STK32B: variants seen among roughly 807,000 people sequenced by gnomAD.
STK32B encodes the protein serine/threonine-protein kinase 32B.
Under a neutral mutation model 52.6 loss-of-function variants are expected in STK32B, and 43 were observed. The observed-to-expected ratio is 0.82, with a 90% CI of 0.64 to 1.05. The LOEUF (loss-of-function observed/expected upper bound fraction) is 1.05. Among genes scored for constraint, STK32B ranks in the 50% least tolerant of loss-of-function variants. The probability of loss-of-function intolerance (pLI) is 0.00; values close to 1 mark genes in which losing one functional copy is unlikely to be tolerated. For synonymous variants in STK32B, 238 were observed against 204.3 expected (o/e 1.17, Z -1.41); for missense variants, 621 against 534.6 (o/e 1.16, Z -1.59).
In STK32B at chr4:5,467,739, G is replaced by C. The variant is rs16837323; in HGVS notation, c.1042-267G>C. 0.019 allele frequency among the ~76,000 whole-genome samples: 2,907 copies of C among 152,242 alleles called. 79 individuals carry two copies. Among genetic ancestry groups the C allele is most frequent in the African/African-American group, 0.066 (2,720 of 41,520 alleles). ...TAAGTGGTCAGGAAAATAAGCTCATGAATTTCAGCCCATATTCCATTCTAA... is the reference window on the plus strand; with the variant it reads ...TAAGTGGTCAGGAAAATAAGCTCATCAATTTCAGCCCATATTCCATTCTAA... On this transcript the variant is annotated intron_variant, in intron 10 of 11. Transcript: ENST00000282908. The surrounding 1 kb of genome is among the most constrained non-coding windows in gnomAD (Gnocchi z 5.8).
At position 5,386,099 on chromosome 4, in the gene STK32B, A is replaced by C. The variant is rs1364446924; in HGVS notation, c.435-12108A>C. 9.6e-6 allele frequency among the ~76,000 whole-genome samples: 1 copy of C among 103,902 alleles called. No individual in the cohort carries two copies. The highest frequency in any genetic ancestry group is 3.8e-5 in the African/African-American group (1 of 26,292). The allele number at this position is 103,902 out of a possible 152,430, so 68.2% of individuals were successfully genotyped here. On this transcript the variant is annotated intron_variant, in intron 4 of 11. Coordinates refer to ENST00000282908, the MANE Select transcript of STK32B (RefSeq NM_018401.3). This position sits in a 1 kb window ranked among gnomAD's most constrained non-coding sequence, Gnocchi z 4.5. ...ACCCAGATTTCCCATGCAGAGCTCC[A>C]CCCACAGGCCCCACCCACAGCTCTT...
At position 5,159,696 on chromosome 4, in the gene STK32B, A is replaced by AAT. The variant is rs370277730; in HGVS notation, c.109-8596_109-8595dup. Among the ~76,000 whole-genome samples, 23 of 101,346 alleles carry AAT rather than the reference A, an allele frequency of 2.3e-4. 2 individuals carry two copies. The highest frequency in any genetic ancestry group is 5.5e-4 in the South Asian group (2 of 3,634). The allele number at this position is 101,346 out of a possible 152,430, so 66.5% of individuals were successfully genotyped here. A position where few individuals can be genotyped will look rare whatever the true frequency, so the allele number is the denominator to read the frequency against. On this transcript the variant is annotated intron_variant, in intron 2 of 11. Transcript: ENST00000282908. ...ATGAATATATATATGAATATATATG[A>AAT]ATATATATGAATATATATATGAATG... is the stretch of plus-strand genomic sequence containing the variant.
chr4:5,214,233 T>G (rs1183019953), intron 3 of STK32B: 1 of 152,220 alleles, frequency 6.6e-6, no homozygotes, highest in Non-Finnish European at 1.5e-5. Context: ...GCTTCCTCCT[T>G]GGTTCTCTCT....
chr4:5,233,703 C>G (rs1435404352), intron 3 of STK32B, among the ~76,000 whole-genome samples: 5 of 150,698 alleles, frequency 3.3e-5, no homozygotes, highest in African/African-American at 1.2e-4. Flanking sequence ...GAGAGGTGGA[C>G]AAGCCATTCA....
chr4:5,300,421 G>A (rs1348907415), intron 3 of STK32B, among the ~76,000 whole-genome samples: 1 of 152,164 alleles, frequency 6.6e-6, no homozygotes, highest in Non-Finnish European at 1.5e-5. Flanking sequence ...AGTACTGGAA[G>A]TTCCAGCCAG....
chr4:5,245,876 T>C (rs552604828), intron 3 of STK32B, among the ~76,000 whole-genome samples: 1 of 152,346 alleles, frequency 6.6e-6, no homozygotes, highest in East Asian at 1.9e-4. Flanking sequence ...AAAATTCTTT[T>C]CTTTAAGAAT....
intron 8 of STK32B, among the ~76,000 whole-genome samples, chr4:5,457,748 C>T (rs1211511362): frequency 6.6e-6 from 1 of 151,676 alleles, no homozygotes; most frequent in Non-Finnish European, 1.5e-5. Context: ...TGGCACATGC[C>T]TGTAATCCCA....
chr4:5,409,002 A>G (rs970951266), intron 5 of STK32B, among the ~76,000 whole-genome samples: 1 of 152,108 alleles, frequency 6.6e-6, no homozygotes, highest in Admixed American at 6.6e-5. Flanking sequence ...TGGCTGCAGG[A>G]GCTTGGGTGA....
At chr4:5,405,211 G>A (rs146727089) in intron 5 of STK32B, among the ~76,000 whole-genome samples, 36 of 149,666 alleles carry the variant, frequency 2.4e-4, no homozygotes, top group African/African-American at 8.1e-4. Flanking sequence ...CCAGATAGAG[G>A]CAGATTCACC....
At chr4:5,388,545 T>C (rs979315263) in intron 4 of STK32B, among the ~76,000 whole-genome samples, 8 of 152,188 alleles carry the variant, frequency 5.3e-5, no homozygotes, top group Non-Finnish European at 7.3e-5. Context: ...ACCCCAGCTC[T>C]CCACACCCTT....
chr4:5,054,947 G>C (rs543754063), intron 1 of STK32B, among the ~76,000 whole-genome samples: 1 of 152,344 alleles, frequency 6.6e-6, no homozygotes, highest in Admixed American at 6.5e-5. Context: ...TCATGCCACA[G>C]ATTAATAGGC....
intron 1 of STK32B, among the ~76,000 whole-genome samples, chr4:5,070,459 G>A (rs1160275404): frequency 2.0e-5 from 3 of 152,148 alleles, no homozygotes; most frequent in Non-Finnish European, 4.4e-5. Flanking sequence ...GTCATTGTAG[G>A]GGCTTGAGGG....
intron 11 of STK32B, among the ~76,000 whole-genome samples, chr4:5,479,977 A>G (rs1214847877): frequency 6.6e-6 from 1 of 152,290 alleles, no homozygotes; most frequent in East Asian, 1.9e-4. Flanking sequence ...CTTAGACTTC[A>G]AACTACTGCC....
At chr4:5,092,633 T>C (rs1384915009) in intron 1 of STK32B, among the ~76,000 whole-genome samples, 1 of 151,608 alleles carries the variant, frequency 6.6e-6, no homozygotes, top group African/African-American at 2.4e-5. Context: ...ACGGGAAACA[T>C]AGTGGCTTCT....
chr4:5,209,950 T>C (rs1722806924), intron 3 of STK32B, among the ~76,000 whole-genome samples: 1 of 152,208 alleles, frequency 6.6e-6, no homozygotes, highest in African/African-American at 2.4e-5. Context: ...GATTTCCTGT[T>C]GCTGACACAG....
intron 3 of STK32B, among the ~76,000 whole-genome samples, chr4:5,174,145 A>G (rs1302298530): frequency 1.3e-5 from 2 of 151,140 alleles, no homozygotes; most frequent in Admixed American, 6.6e-5. Flanking sequence ...TTTGTTTTCC[A>G]TTTTCTTGGT....
intron 3 of STK32B, among the ~76,000 whole-genome samples, chr4:5,194,091 C>T (rs776469115): frequency 9.9e-5 from 15 of 152,182 alleles, no homozygotes; most frequent in Non-Finnish European, 1.2e-4. Flanking sequence ...AGGCCTTCTC[C>T]CTCTCTCACT....
At chr4:5,060,301 A>G (rs28532772) in intron 1 of STK32B, among the ~76,000 whole-genome samples, 2,864 of 152,268 alleles carry the variant, frequency 0.019, 86 homozygotes, top group African/African-American at 0.066. Flanking sequence ...AAGTTTATTG[A>G]CATAACATTA....
chr4:5,285,168 T>A (rs118168534), intron 3 of STK32B, among the ~76,000 whole-genome samples: 2 of 152,176 alleles, frequency 1.3e-5, no homozygotes, highest in Non-Finnish European at 2.9e-5. Context: ...ATACAAAATA[T>A]GTGTTAATCA....
Sources: allele counts gnomAD v4.1 joint callset (sites outside exome capture counted in the v4.1 genomes callset), GRCh38; gene constraint gnomAD v4.1.1; non-coding constraint Gnocchi (gnomAD v3.1); transcripts MANE v1.5; gene names NCBI Gene and HGNC (gene_info 2026-07-23, HGNC 2026-07-21).